DCT: variants seen among roughly 807,000 people sequenced by gnomAD.
DCT encodes dopachrome tautomerase.
A neutral mutation model predicts 53.0 loss-of-function variants in DCT; 47 were observed. The observed-to-expected ratio is 0.89, with a 90% CI of 0.70 to 1.13. The LOEUF (loss-of-function observed/expected upper bound fraction) is 1.13. Ranked by LOEUF, DCT falls within the 50% of genes most tolerant of loss-of-function variation. DCT has a pLI of 0.00. For synonymous variants in DCT, 244 were observed against 237.0 expected, an observed-to-expected ratio of 1.03 and a Z score of -0.27; for missense variants, 669 against 637.4, an observed-to-expected ratio of 1.05 and a Z score of -0.53.
At chr13:94,447,791 A>T (rs757931145) in intron 6 of DCT, among the ~76,000 whole-genome samples, 1 of 152,216 alleles carries the variant, frequency 6.6e-6, no homozygotes, top group Non-Finnish European at 1.5e-5. Context: ...GAGGCAAATA[A>T]CTTATAGAAA....
At chr13:94,474,778 G>A (rs1385495974) in intron 1 of DCT, among the ~76,000 whole-genome samples, 1 of 152,124 alleles carries the variant, frequency 6.6e-6, no homozygotes, top group Non-Finnish European at 1.5e-5. Context: ...GCTCTCTACA[G>A]AGAATTTCAC....
rs772275385 is a variant in DCT, at chr13:94,479,063, G to A, written c.193C>T (p.Arg65Ter). 2.8e-5 allele frequency: 45 copies of A among 1,614,070 alleles called. 1 individual carries two copies. In the East Asian group the frequency reaches 3.3e-4, roughly 12 times the overall value. Residue 65 changes from arginine to a stop codon, truncating the protein, a stop_gained, in exon 1 of 8, where the codon CGA (arginine) becomes TGA (stop). Coordinates refer to ENST00000377028, the MANE Select transcript of DCT (RefSeq NM_001922.5). LOFTEE classifies it high-confidence loss of function. Reference sequence around the variant, plus strand: ...CCACTCCAGGGCCTTGTGTCGGCTCGCACCTCTGTGCACTGCCCCCGGCCT... The same window carrying A: ...CCACTCCAGGGCCTTGTGTCGGCTCACACCTCTGTGCACTGCCCCCGGCCT... ...QQGRGQCTEV[R>*]ADTRPWSGPY...
chr13:94,533,651 G>T, the DCT span, among the ~76,000 whole-genome samples: 2 of 152,148 alleles, frequency 1.3e-5, no homozygotes, highest in South Asian at 4.1e-4. Flanking sequence ...CGGGTGTGGT[G>T]GTGCATGCCT....
chr13:94,531,781 A>C, the DCT span, among the ~76,000 whole-genome samples: 1 of 152,354 alleles, frequency 6.6e-6, no homozygotes, highest in East Asian at 1.9e-4. Context: ...AAAAGCCAAA[A>C]TAGACAAACA....
chr13:94,545,124 A>G, the DCT span, among the ~76,000 whole-genome samples: 1 of 152,130 alleles, frequency 6.6e-6, no homozygotes, highest in Admixed American at 6.5e-5. Context: ...AGTCTTTCTC[A>G]GCCTTCACTC....
chr13:94,538,663 T>C, the DCT span, among the ~76,000 whole-genome samples: 26 of 152,322 alleles, frequency 1.7e-4, no homozygotes, highest in Non-Finnish European at 1.5e-5. Context: ...GCCAGGTTCG[T>C]TCAGGTTATG....
At chr13:94,458,290 C>T (rs9584233) in intron 6 of DCT, among the ~76,000 whole-genome samples, 21,888 of 152,000 alleles carry the variant, frequency 0.14, 1,691 homozygotes, top group South Asian at 0.2. Context: ...TAGCACAAGC[C>T]CAAACCCTTT....
intron 6 of DCT, among the ~76,000 whole-genome samples, chr13:94,444,173 A>C (rs1428381597): frequency 6.6e-6 from 1 of 152,186 alleles, no homozygotes; most frequent in Non-Finnish European, 1.5e-5. Flanking sequence ...CCAACATGAC[A>C]CTTGAAGGAA....
intron 4 of DCT, among the ~76,000 whole-genome samples, chr13:94,465,095 C>G (rs894059151): frequency 2.0e-5 from 3 of 152,194 alleles, no homozygotes; most frequent in Admixed American, 2.0e-4. Flanking sequence ...CCCAGACTCT[C>G]TTCTTGTCTT....
chr13:94,541,029 T>C, the DCT span, among the ~76,000 whole-genome samples: 3 of 152,144 alleles, frequency 2.0e-5, no homozygotes, highest in East Asian at 1.9e-4. Context: ...AAGTGAAATA[T>C]CACAGGCACA....
chr13:94,477,418 G>GA (rs1196928600), intron 1 of DCT, among the ~76,000 whole-genome samples: 2 of 141,146 alleles, frequency 1.4e-5, no homozygotes, highest in Non-Finnish European at 3.1e-5. Flanking sequence ...CTCTTAATGT[G>GA]AAAAAAGAAA....
At chr13:94,508,031 T>C in the DCT span, among the ~76,000 whole-genome samples, 5 of 152,236 alleles carry the variant, frequency 3.3e-5, no homozygotes, top group African/African-American at 1.2e-4. Context: ...TTGTTTACTA[T>C]GGCATACATA....
intron 1 of DCT, among the ~76,000 whole-genome samples, chr13:94,475,021 G>A (rs551081140): frequency 3.3e-5 from 5 of 152,272 alleles, no homozygotes; most frequent in African/African-American, 1.2e-4. Flanking sequence ...ATTCGCAAAA[G>A]AGTCATCAGG....
the DCT span, among the ~76,000 whole-genome samples, chr13:94,547,648 CTT>C: frequency 2.0e-5 from 3 of 151,926 alleles, no homozygotes; most frequent in Non-Finnish European, 4.4e-5. Flanking sequence ...TTTCCCTACT[CTT>C]TAGAAATGTG....
chr13:94,540,170 G>C, the DCT span, among the ~76,000 whole-genome samples: 194 of 152,212 alleles, frequency 1.3e-3, 1 homozygote, highest in Middle Eastern at 0.024. Context: ...TCTTAAATGT[G>C]AGAATAGATC....
At position 94,466,676 on chromosome 13, in the gene DCT, C is replaced by G. The variant is rs753407103; in HGVS notation, c.596-18G>C. 1.3e-6 allele frequency: 2 copies of G among 1,519,244 alleles called. No homozygotes were observed. The highest frequency in any genetic ancestry group is 1.8e-6 in the Non-Finnish European group (2 of 1,108,110). The allele number at this position is 1,519,244 out of a possible 1,614,324, so 94.1% of individuals were successfully genotyped here. On this transcript the variant is annotated intron_variant, in intron 2 of 7. Coordinates refer to ENST00000377028, the MANE Select transcript of DCT (RefSeq NM_001922.5). ...TCCTGGTCCTGAAACAATTGGGAAA[C>G]ATATTAGAGATGACAGAATAGAATT... is the stretch of plus-strand genomic sequence containing the variant.
intron 6 of DCT, 116 bp downstream of exon 6, chr13:94,459,975 C>T (rs1883671862): frequency 2.7e-6 from 3 of 1,120,304 alleles, no homozygotes; most frequent in African/African-American, 1.6e-5. Context: ...TTTACATTTG[C>T]ACACATCACA....
chr13:94,544,498 C>T, the DCT span, among the ~76,000 whole-genome samples: 16 of 152,176 alleles, frequency 1.1e-4, no homozygotes, highest in African/African-American at 2.7e-4. Context: ...GTGCATTTGG[C>T]GTCTGAGATG....
chr13:94,523,457 T>C, the DCT span, among the ~76,000 whole-genome samples: 1 of 152,204 alleles, frequency 6.6e-6, no homozygotes, highest in Non-Finnish European at 1.5e-5. Context: ...AGTACTGTGA[T>C]GCACCATCTA....
Sources: allele counts gnomAD v4.1 joint callset (sites outside exome capture counted in the v4.1 genomes callset), GRCh38; gene constraint gnomAD v4.1.1; transcripts MANE v1.5; gene names NCBI Gene and HGNC (gene_info 2026-07-23, HGNC 2026-07-21).